Variants in NRG1 observed in about 807,000 individuals in gnomAD.
NRG1 encodes neuregulin 1, also known as pro-neuregulin-1, membrane-bound isoform.
In NRG1, 18 loss-of-function variants were observed where a neutral mutation model predicts 63.8. The observed-to-expected ratio is 0.28, with a 90% CI of 0.19 to 0.42. The LOEUF is 0.42. Ranked by LOEUF, NRG1 falls within the 10% of genes least tolerant of loss-of-function variation. The pLI is 1.00. For synonymous variants in NRG1, 302 were observed against 301.3 expected, an observed-to-expected ratio of 1.00 and a Z score of -0.02; for missense variants, 762 against 814.7, an observed-to-expected ratio of 0.94 and a Z score of 0.79.
intron 1 of NRG1, among the ~76,000 whole-genome samples, chr8:32,321,973 C>T (rs1033575965): frequency 6.6e-6 from 1 of 151,952 alleles, no homozygotes; most frequent in Non-Finnish European, 1.5e-5. Flanking sequence ...CATTTAGTTC[C>T]TAGCTCAATT....
intron 1 of NRG1, among the ~76,000 whole-genome samples, chr8:32,295,693 G>A (rs528916636): frequency 7.0e-4 from 106 of 152,258 alleles, no homozygotes; most frequent in Non-Finnish European, 1.0e-3. Flanking sequence ...GCTCACGCCT[G>A]TAATCCCAGC....
At chr8:32,382,032 A>C (rs1203802091) in intron 1 of NRG1, among the ~76,000 whole-genome samples, 1 of 152,224 alleles carries the variant, frequency 6.6e-6, no homozygotes, top group East Asian at 1.9e-4. Flanking sequence ...ATGAGATGAT[A>C]ACAATGGTAA....
At chr8:32,596,053 A>G in intron 2 of NRG1, 48 bp downstream of exon 2, 1 of 1,455,380 alleles carries the variant, frequency 6.9e-7, no homozygotes, top group South Asian at 1.3e-5. Flanking sequence ...GCAATAAGAT[A>G]ACATATAAAT....
chr8:31,855,241 G>T (rs1160618993), intron 1 of NRG1, among the ~76,000 whole-genome samples: 1 of 152,162 alleles, frequency 6.6e-6, no homozygotes, highest in Non-Finnish European at 1.5e-5. Context: ...CAATGTGTGG[G>T]AGTCTAAGTC....
chr8:32,196,811 C>T (rs60774250), intron 1 of NRG1, among the ~76,000 whole-genome samples: 1 of 151,958 alleles, frequency 6.6e-6, no homozygotes, highest in Non-Finnish European at 1.5e-5. Context: ...TAGGCTTCCT[C>T]TTATAGTCTA....
At chr8:31,934,250 A>C (rs980022644) in intron 1 of NRG1, among the ~76,000 whole-genome samples, 2 of 151,960 alleles carry the variant, frequency 1.3e-5, no homozygotes, top group Admixed American at 1.3e-4. Flanking sequence ...GCTTACGTAC[A>C]CTTGCTAATG....
chr8:32,473,157 G>A (rs893627583), intron 1 of NRG1, among the ~76,000 whole-genome samples: 1 of 152,204 alleles, frequency 6.6e-6, no homozygotes, highest in East Asian at 1.9e-4. Context: ...ATCTACATAT[G>A]TACATGTGTA....
chr8:32,595,710 C>A, intron 1 of NRG1, 118 bp from the exon 2 acceptor site: 1 of 851,898 alleles, frequency 1.2e-6, no homozygotes, highest in Non-Finnish European at 1.7e-6. Context: ...TTGTTTTTCT[C>A]TCTGTTAATA....
intron 1 of NRG1, among the ~76,000 whole-genome samples, chr8:32,320,212 A>G (rs1801224401): frequency 6.6e-6 from 1 of 152,156 alleles, no homozygotes. Context: ...TGGTGACCAT[A>G]TTGTAGGTAC....
intron 1 of NRG1, among the ~76,000 whole-genome samples, chr8:32,044,912 G>GAAAAAAAAAAAAAAAAAAAAAAAAAAA (rs1563719018): frequency 2.7e-4 from 1 of 3,680 alleles, no homozygotes; most frequent in African/African-American, 4.9e-4. Context: ...ATAAAGAAAA[G>GAAAAAAAAAAAAAAAAAAAAAAAAAAA]CAAAAAAAAA....
chr8:31,824,812 A>G (rs1422038321), intron 1 of NRG1, among the ~76,000 whole-genome samples: 3 of 152,236 alleles, frequency 2.0e-5, no homozygotes, highest in Non-Finnish European at 4.4e-5. Context: ...GCATACACAC[A>G]TACACAACAC....
intron 5 of NRG1, among the ~76,000 whole-genome samples, chr8:32,708,814 T>C (rs1817081519): frequency 6.6e-6 from 1 of 152,192 alleles, no homozygotes; most frequent in Non-Finnish European, 1.5e-5. Flanking sequence ...GTTCCTGCTC[T>C]ATTGCTTGTT....
At chr8:32,680,633 C>A (rs114932648) in intron 5 of NRG1, among the ~76,000 whole-genome samples, 53 of 152,174 alleles carry the variant, frequency 3.5e-4, no homozygotes, top group African/African-American at 1.3e-3. Context: ...AAGACTTAGC[C>A]AAAGATAACA....
chr8:32,712,629 T>C (rs1415515796), intron 5 of NRG1, among the ~76,000 whole-genome samples: 5 of 152,198 alleles, frequency 3.3e-5, no homozygotes, highest in East Asian at 3.9e-4. Flanking sequence ...ACTTCAAATA[T>C]TCATTTTTAC....
Position 32,290,265 on chromosome 8 carries a change from T to G in NRG1, c.38-305563T>G, listed in dbSNP as rs141958093. ...CTATAAAGATAATAAAATAAAAATATGACTAATGCAAAATTATTTGATACT... is the reference window on the plus strand; with the variant it reads ...CTATAAAGATAATAAAATAAAAATAGGACTAATGCAAAATTATTTGATACT... On this transcript the variant is annotated intron_variant, in intron 1 of 10. Transcript: ENST00000519301. 7.5e-3 allele frequency among the ~76,000 whole-genome samples: 1,144 copies of G among 152,086 alleles called. 6 individuals carry two copies. The highest frequency in any genetic ancestry group is 0.017 in the Middle Eastern group (5 of 292).
In NRG1 at chr8:32,759,057, G is replaced by A. The variant is rs146184457; in HGVS notation, c.922-249G>A. Among the ~76,000 whole-genome samples, 96 of 151,996 alleles carry A rather than the reference G, an allele frequency of 6.3e-4. 1 individual carries two copies. The highest frequency in any genetic ancestry group is 1.2e-3 in the South Asian group (6 of 4,812). The stretch of plus-strand genomic sequence containing the variant: ...TAAAATGTAGTTGGAATGATGGGCC[G>A]TACATTGGATGCACATCCAGAGAGT... On this transcript the variant is annotated intron_variant, in intron 9 of 11. Transcript: ENST00000356819.
intron 1 of NRG1, among the ~76,000 whole-genome samples, chr8:32,347,054 C>G: frequency 6.6e-6 from 1 of 152,060 alleles, no homozygotes; most frequent in East Asian, 1.9e-4. Flanking sequence ...TGGTCTCGAT[C>G]TCCTGACCTC....
intron 1 of NRG1, among the ~76,000 whole-genome samples, chr8:32,255,125 A>G (rs1357929012): frequency 6.6e-6 from 1 of 152,144 alleles, no homozygotes; most frequent in Non-Finnish European, 1.5e-5. Flanking sequence ...CAGCACACCA[A>G]TGGGTCTTGA....
intron 1 of NRG1, among the ~76,000 whole-genome samples, chr8:32,342,806 C>T (rs1487147): frequency 0.52 from 79,039 of 152,020 alleles, 21,426 homozygotes; most frequent in Non-Finnish European, 0.61. Context: ...AATTTACTGG[C>T]GTGCACCATT....
Sources: gnomAD v4.1 joint callset for allele counts (sites outside exome capture counted in the v4.1 genomes callset) on GRCh38, gnomAD v4.1.1 for gene constraint, MANE v1.5 for transcripts, NCBI Gene and HGNC (gene_info 2026-07-23, HGNC 2026-07-21) for gene names.